PRDM5: variants seen among roughly 807,000 people sequenced by gnomAD.
PRDM5 encodes the protein PR/SET domain 5, also known as PR domain zinc finger protein 5.
A neutral mutation model predicts 81.2 loss-of-function variants in PRDM5; 56 were observed. The observed-to-expected ratio is 0.69, with a 90% CI of 0.56 to 0.86. The LOEUF is 0.86. PRDM5 is among the 40% of genes least tolerant of loss of function. PRDM5 has a pLI of 0.00. For synonymous variants in PRDM5, 267 were observed against 256.4 expected, an observed-to-expected ratio of 1.04 and a Z score of -0.39; for missense variants, 697 against 770.1, an observed-to-expected ratio of 0.91 and a Z score of 1.12.
intron 7 of PRDM5, chr4:120,813,092 T>C (rs1754060054): frequency 6.5e-6 from 1 of 153,426 alleles, no homozygotes; most frequent in Non-Finnish European, 1.5e-5. Context: ...AAACAATATA[T>C]TGGCAATTCA....
At chr4:120,887,820 T>G (rs2148612300) in intron 2 of PRDM5, among the ~76,000 whole-genome samples, 1 of 95,538 alleles carries the variant, frequency 1.0e-5, no homozygotes, top group Admixed American at 1.1e-4. Flanking sequence ...TGAGACGGAG[T>G]CTCGCTCTGT....
intron 14 of PRDM5, among the ~76,000 whole-genome samples, chr4:120,710,722 T>A (rs1271107886): frequency 1.3e-5 from 2 of 152,024 alleles, no homozygotes; most frequent in African/African-American, 2.4e-5. Context: ...CCCACTTTGC[T>A]CCATGCTTCT....
At chr4:120,852,085 TA>T (rs781228628) in intron 3 of PRDM5, among the ~76,000 whole-genome samples, 2 of 152,168 alleles carry the variant, frequency 1.3e-5, no homozygotes, top group Non-Finnish European at 2.9e-5. Flanking sequence ...AAGCCCTAAC[TA>T]TAGGGCTCCT....
intron 2 of PRDM5, among the ~76,000 whole-genome samples, chr4:120,902,011 A>G (rs1270141405): frequency 2.6e-5 from 4 of 152,250 alleles, no homozygotes; most frequent in Admixed American, 1.3e-4. Flanking sequence ...TCAAGAATGA[A>G]TGACTCCACT....
At chr4:120,867,322 A>C (rs558557183) in intron 2 of PRDM5, among the ~76,000 whole-genome samples, 1 of 152,352 alleles carries the variant, frequency 6.6e-6, no homozygotes, top group South Asian at 2.1e-4. Context: ...ATACTAACTC[A>C]TATTACAAAT....
In PRDM5 at chr4:120,766,022, C is replaced by T. The variant is rs528589186; in HGVS notation, c.1537+11166G>A. On this transcript the variant is annotated intron_variant, in intron 13 of 15. Transcript: ENST00000264808. ...TCGCCCAGGCTGGAGTGCAATGGCA[C>T]GATCTCAGCTCACTGCAACCTCCAC... Among the ~76,000 whole-genome samples, 4 of 150,452 alleles carry T rather than the reference C, an allele frequency of 2.7e-5. No individual in the cohort carries two copies. In the South Asian group the frequency reaches 8.4e-4, roughly 32 times the overall value.
intron 14 of PRDM5, among the ~76,000 whole-genome samples, chr4:120,742,852 T>A (rs1157453509): frequency 1.3e-5 from 2 of 152,056 alleles, no homozygotes; most frequent in Admixed American, 1.3e-4. Flanking sequence ...TGGAAAACAC[T>A]CTGCAGGATA....
At chr4:120,885,067 C>T (rs1408223007) in intron 2 of PRDM5, among the ~76,000 whole-genome samples, 1 of 137,544 alleles carries the variant, frequency 7.3e-6, no homozygotes, top group Non-Finnish European at 1.5e-5. Flanking sequence ...CCCGGGAGGG[C>T]GAGCTTGCAG....
intron 2 of PRDM5, among the ~76,000 whole-genome samples, chr4:120,876,477 C>T (rs1247636521): frequency 6.6e-6 from 1 of 152,020 alleles, no homozygotes. Context: ...CCATTTTTCC[C>T]ATAAGACTTG....
chr4:120,834,592 C>T (rs768424856), intron 3 of PRDM5, among the ~76,000 whole-genome samples: 3 of 152,138 alleles, frequency 2.0e-5, no homozygotes, highest in Admixed American at 6.5e-5. Context: ...AATGTGTCAA[C>T]TTGACTAGGA....
chr4:120,721,855 T>G (rs1446821313), intron 14 of PRDM5, among the ~76,000 whole-genome samples: 1 of 152,222 alleles, frequency 6.6e-6, no homozygotes, highest in Non-Finnish European at 1.5e-5. Context: ...GGCCATCACT[T>G]GGCTCTAAGC....
At chr4:120,919,987 A>G (rs549101895) in intron 1 of PRDM5, among the ~76,000 whole-genome samples, 199 of 152,306 alleles carry the variant, frequency 1.3e-3, no homozygotes, top group African/African-American at 4.7e-3. Flanking sequence ...ACCAGCAAAA[A>G]AGGATAATTG....
intron 1 of PRDM5, 79 bp downstream of exon 1, chr4:120,922,437 G>C: frequency 8.0e-7 from 1 of 1,249,094 alleles, no homozygotes; most frequent in Non-Finnish European, 1.0e-6. Context: ...CCGCGCCCCG[G>C]GCCCTGCGGC....
chr4:120,740,099 C>T (rs780375422), intron 14 of PRDM5, among the ~76,000 whole-genome samples: 12 of 152,004 alleles, frequency 7.9e-5, no homozygotes, highest in South Asian at 2.1e-4. Context: ...TAAAATACAA[C>T]GGTATTTTGA....
intron 1 of PRDM5, among the ~76,000 whole-genome samples, chr4:120,913,475 TGTA>T (rs1766745521): frequency 6.6e-6 from 1 of 152,236 alleles, no homozygotes; most frequent in Non-Finnish European, 1.5e-5. Flanking sequence ...GGGAAAGAAA[TGTA>T]GTGGTGCCTA....
chr4:120,775,951 G>A (rs767385069), intron 13 of PRDM5, among the ~76,000 whole-genome samples: 5 of 152,000 alleles, frequency 3.3e-5, no homozygotes, highest in Non-Finnish European at 4.4e-5. Flanking sequence ...CCTTACTTAT[G>A]TACCATCAGT....
At chr4:120,902,999 G>C (rs1276680070) in intron 2 of PRDM5, among the ~76,000 whole-genome samples, 3 of 152,088 alleles carry the variant, frequency 2.0e-5, no homozygotes, top group East Asian at 1.9e-4. Flanking sequence ...GGCTCCCCAG[G>C]GGCTCTTGGC....
At chr4:120,742,696 G>T (rs2149113191) in intron 14 of PRDM5, among the ~76,000 whole-genome samples, 2 of 152,274 alleles carry the variant, frequency 1.3e-5, no homozygotes, top group East Asian at 1.9e-4. Context: ...AAGGTGAAAT[G>T]AATGAAATGA....
rs1357269582 is a variant in PRDM5, at chr4:120,749,409, G to GA, written c.1623+5143dup. Among the ~76,000 whole-genome samples the GA allele has an allele frequency of 2.0e-5, 3 of 152,158 alleles. No individual in the cohort carries two copies. In the East Asian group the frequency reaches 5.8e-4, roughly 29 times the overall value. On this transcript the variant is annotated intron_variant, in intron 14 of 15. Transcript: ENST00000264808. Reference sequence around the variant, plus strand: ...CCACTGGCTCCATCAGGGTTCGTAAGAAAGATTAGAGGCAGGGCAGGATAC... The same window carrying GA: ...CCACTGGCTCCATCAGGGTTCGTAAGAAAAGATTAGAGGCAGGGCAGGATAC...
Sources: allele counts gnomAD v4.1 joint callset (sites outside exome capture counted in the v4.1 genomes callset), GRCh38; gene constraint gnomAD v4.1.1; transcripts MANE v1.5; gene names NCBI Gene and HGNC (gene_info 2026-07-23, HGNC 2026-07-21).